MICU2: variants seen among roughly 807,000 people sequenced by gnomAD.
MICU2 encodes the protein mitochondrial calcium uptake 2.
MICU2 carries 64 observed loss-of-function variants against 60.4 expected under a neutral mutation model. The observed-to-expected ratio is 1.06, with a 90% CI of 0.87 to 1.31. MICU2 has a LOEUF of 1.31. Ranked by LOEUF, MICU2 falls within the 50% of genes most tolerant of loss-of-function variation. MICU2 has a pLI of 0.00. For synonymous variants in MICU2, 201 were observed against 175.0 expected, an observed-to-expected ratio of 1.15 and a Z score of -1.17; for missense variants, 569 against 531.0, an observed-to-expected ratio of 1.07 and a Z score of -0.70.
intron 11 of MICU2, 65 bp from the exon 12 acceptor site, chr13:21,493,418 C>T (rs1272723536): frequency 4.5e-6 from 5 of 1,099,518 alleles, no homozygotes; most frequent in Non-Finnish European, 6.6e-6. Flanking sequence ...TTCATATATA[C>T]TTTACGTTAC....
chr13:21,589,340 C>A (rs1015132270), intron 1 of MICU2, among the ~76,000 whole-genome samples: 1 of 152,188 alleles, frequency 6.6e-6, no homozygotes, highest in East Asian at 1.9e-4. Context: ...TACCATACAT[C>A]CGTAGGTTGG....
At chr13:21,535,714 AAACC>A (rs1887114678) in intron 4 of MICU2, among the ~76,000 whole-genome samples, 1 of 152,202 alleles carries the variant, frequency 6.6e-6, no homozygotes, top group African/African-American at 2.4e-5. Flanking sequence ...AAGAAAACTA[AAACC>A]AACTTGCCCA....
intron 4 of MICU2, among the ~76,000 whole-genome samples, chr13:21,531,506 A>G (rs976968992): frequency 2.6e-5 from 4 of 152,216 alleles, no homozygotes; most frequent in Admixed American, 6.5e-5. Flanking sequence ...GCTGTAAGTA[A>G]TGGGATTCTT....
intron 1 of MICU2, 136 bp downstream of exon 1, chr13:21,603,803 C>T (rs918397158): frequency 1.0e-6 from 1 of 975,484 alleles, no homozygotes; most frequent in Admixed American, 2.7e-5. Flanking sequence ...CCACCAGTCG[C>T]AGGGCGCTCC....
At chr13:21,569,228 A>G (rs1224488545) in intron 1 of MICU2, among the ~76,000 whole-genome samples, 1 of 152,062 alleles carries the variant, frequency 6.6e-6, no homozygotes, top group Non-Finnish European at 1.5e-5. Context: ...GAGGTATAAA[A>G]CCTTCCAACA....
intron 4 of MICU2, among the ~76,000 whole-genome samples, chr13:21,532,480 T>TA (rs1236530844): frequency 6.6e-6 from 1 of 152,212 alleles, no homozygotes; most frequent in African/African-American, 2.4e-5. Flanking sequence ...TCTCACGAGA[T>TA]AGAGAATTTC....
At chr13:21,585,138 A>G (rs2488803) in intron 1 of MICU2, among the ~76,000 whole-genome samples, 82,454 of 152,058 alleles carry the variant, frequency 0.54, 24,113 homozygotes, top group East Asian at 1. Flanking sequence ...CAGCTATGCC[A>G]AAAGCACAAA....
chr13:21,551,896 G>A (rs1251983130), intron 2 of MICU2, among the ~76,000 whole-genome samples: 3 of 152,126 alleles, frequency 2.0e-5, no homozygotes, highest in South Asian at 2.1e-4. Context: ...GTAAACATAC[G>A]TGTGCATGTG....
intron 9 of MICU2, chr13:21,496,772 T>C (rs1199944): frequency 0.97 from 148,562 of 152,442 alleles, 72,491 homozygotes; most frequent in Middle Eastern, 1. Context: ...ATAAAACAAA[T>C]GGTGCGGGCG....
Position 21,594,718 on chromosome 13 carries a change from G to A in MICU2, c.210+9221C>T, listed in dbSNP as rs186684887. On this transcript the variant is annotated intron_variant, in intron 1 of 11. Transcript: ENST00000382374. Reference sequence around the variant, plus strand: ...CAGCCATAAAAGGGAATGAGATCATGTCCTTTGCAGGGACATGGATGAAGC... The same window carrying A: ...CAGCCATAAAAGGGAATGAGATCATATCCTTTGCAGGGACATGGATGAAGC... Among the ~76,000 whole-genome samples the A allele has an allele frequency of 3.9e-5, 6 of 152,318 alleles. No homozygotes were observed. In the East Asian group the frequency reaches 1.2e-3, roughly 29 times the overall value.
intron 4 of MICU2, among the ~76,000 whole-genome samples, chr13:21,525,642 G>A (rs1343868830): frequency 6.6e-6 from 1 of 150,848 alleles, no homozygotes; most frequent in Admixed American, 6.6e-5. Context: ...GTATCTCATT[G>A]CGGTTTTGAT....
chr13:21,544,354 A>ATT (rs1887356339), intron 2 of MICU2, among the ~76,000 whole-genome samples: 1 of 152,130 alleles, frequency 6.6e-6, no homozygotes, highest in South Asian at 2.1e-4. Context: ...AGATGATGTA[A>ATT]AACGCTTCTG....
rs536759582 is a variant in MICU2 at position 21,509,830 on chromosome 13, T to A, written c.761+174A>T. Among the ~76,000 whole-genome samples, 3 of 152,352 alleles carry A rather than the reference T, an allele frequency of 2.0e-5. No individual in the cohort carries two copies. The East Asian group carries it at 5.8e-4, about 29-fold the overall frequency. On this transcript the variant is annotated intron_variant, in intron 8 of 11. Coordinates refer to ENST00000382374, the MANE Select transcript of MICU2 (RefSeq NM_152726.3). ...GTACGATATTTTGAGCATACTAATT[T>A]TAGTTTCTATTTCATAGGTTTAGTT...
intron 4 of MICU2, among the ~76,000 whole-genome samples, chr13:21,524,414 T>C (rs1886798559): frequency 6.6e-6 from 1 of 152,088 alleles, no homozygotes; most frequent in South Asian, 2.1e-4. Flanking sequence ...ATTCAGCCTG[T>C]ATATCTAAAA....
chr13:21,500,779 A>G (rs760185264), intron 9 of MICU2, among the ~76,000 whole-genome samples: 14 of 152,162 alleles, frequency 9.2e-5, no homozygotes, highest in Non-Finnish European at 1.8e-4. Context: ...TTACATATCA[A>G]TATCTCCCCC....
intron 8 of MICU2, among the ~76,000 whole-genome samples, chr13:21,505,761 G>C (rs1886277052): frequency 6.6e-6 from 1 of 152,086 alleles, no homozygotes; most frequent in Non-Finnish European, 1.5e-5. Context: ...GAAACTACAT[G>C]ATCACTTAAA....
chr13:21,578,515 C>T (rs1398413581), intron 1 of MICU2, among the ~76,000 whole-genome samples: 2 of 151,648 alleles, frequency 1.3e-5, no homozygotes, highest in African/African-American at 4.8e-5. Context: ...CTTGAGCCTG[C>T]GAGGTTGAGA....
At position 21,493,059 on chromosome 13, in the gene MICU2, C is replaced by T. The variant is rs970201894; in HGVS notation, c.*190G>A. 2.5e-6 allele frequency: 1 copy of T among 404,920 alleles called. No individual in the cohort carries two copies. Among genetic ancestry groups the T allele is most frequent in the African/African-American group, 2.1e-5 (1 of 47,874 alleles). The allele number at this position is 404,920 out of a possible 1,614,324, so 25.1% of individuals were successfully genotyped here. ...TAGGCCTTCTGACAGAATCCAATATCTATTTTTATACTTACTTTTCTTTCT... is the reference window on the plus strand; with the variant it reads ...TAGGCCTTCTGACAGAATCCAATATTTATTTTTATACTTACTTTTCTTTCT... On this transcript the variant is annotated 3_prime_UTR_variant, in exon 12 of 12. Coordinates refer to ENST00000382374, the MANE Select transcript of MICU2 (RefSeq NM_152726.3).
At chr13:21,514,971 A>G (rs1189456486) in intron 6 of MICU2, among the ~76,000 whole-genome samples, 1 of 152,206 alleles carries the variant, frequency 6.6e-6, no homozygotes, top group Non-Finnish European at 1.5e-5. Context: ...CTTAATAGAT[A>G]CATGTTCTTA....
Sources: allele counts gnomAD v4.1 joint callset (sites outside exome capture counted in the v4.1 genomes callset), GRCh38; gene constraint gnomAD v4.1.1; transcripts MANE v1.5; gene names NCBI Gene and HGNC (gene_info 2026-07-23, HGNC 2026-07-21).